The following TRIM35 variants were observed in gnomAD, a reference collection of about 807,000 sequenced individuals.
TRIM35 encodes tripartite motif containing 35.
Under a neutral mutation model 49.1 loss-of-function variants are expected in TRIM35, and 37 were observed. The ratio of observed to expected loss-of-function variants is 0.75; its 90% CI spans 0.58 to 0.99. TRIM35 has a LOEUF of 0.99. Among genes scored for constraint, TRIM35 ranks in the 50% least tolerant of loss-of-function variants. The pLI is 0.00. For synonymous variants in TRIM35, 302 were observed against 289.3 expected, an observed-to-expected ratio of 1.04 and a Z score of -0.45; for missense variants, 648 against 702.7, an observed-to-expected ratio of 0.92 and a Z score of 0.88.
In TRIM35 at chr8:27,294,179, G is replaced by C; in HGVS notation, c.663C>G (p.Asp221Glu). The change falls in exon 3 of 6, where the codon GAC (aspartate) becomes GAG (glutamate). Residue 221 changes from aspartate to glutamate, a missense_variant. Asp to Glu is a conservative substitution (Grantham distance 45). Transcript: ENST00000305364. ...CCTCTGTGAGCTGCTTCATCTTCTCGTCGGCCAGAAGTTGCTTCTGCCTTG... is the reference window on the plus strand; with the variant it reads ...CCTCTGTGAGCTGCTTCATCTTCTCCTCGGCCAGAAGTTGCTTCTGCCTTG... ...EETRQKQLLA[D>E]EKMKQLTEET... The C allele has an allele frequency of 1.2e-6, 2 of 1,614,156 alleles. No homozygotes were observed. Among genetic ancestry groups the C allele is most frequent in the South Asian group, 2.2e-5 (2 of 91,082 alleles).
In TRIM35 at chr8:27,287,651, G is replaced by A. The variant is rs770357144; in HGVS notation, c.1381C>T (p.Arg461Cys). 7 of 1,609,848 alleles carry A rather than the reference G, an allele frequency of 4.3e-6. No individual in the cohort carries two copies. Among genetic ancestry groups the A allele is most frequent in the Admixed American group, 1.7e-5 (1 of 59,446 alleles). Reference sequence around the variant, plus strand: ...GCACCCCCCAGGTAGAAGTAGGGGCGAACCTCCCCAAAGCGGGCGTGGAAG... The same window carrying A: ...GCACCCCCCAGGTAGAAGTAGGGGCAAACCTCCCCAAAGCGGGCGTGGAAG... ...YTFHARFGEV[R>C]PYFYLGGARG... Residue 461 changes from arginine to cysteine, a missense_variant, in exon 6 of 6, where the codon CGC (arginine) becomes TGC (cysteine). Transcript: ENST00000305364. The surrounding 1 kb of genome is among the most constrained non-coding windows in gnomAD (Gnocchi z 6.0).
At chr8:27,302,474 A>C (rs896811818) in intron 1 of TRIM35, among the ~76,000 whole-genome samples, 14 of 152,132 alleles carry the variant, frequency 9.2e-5, no homozygotes, top group African/African-American at 2.9e-4. Flanking sequence ...TAGTAGCACA[A>C]TCATAGCTCA....
At position 27,287,737 on chromosome 8, in the gene TRIM35, A is replaced by C; in HGVS notation, c.1295T>G (p.Leu432Arg). Residue 432 changes from leucine (L) to arginine (R), a missense_variant, in exon 6 of 6, where the codon CTG becomes CGG. Physicochemically the swap from Leu to Arg is moderately radical, Grantham distance 102 (BLOSUM62 -2). Coordinates refer to ENST00000305364, the MANE Select transcript of TRIM35 (RefSeq NM_171982.5). The surrounding 1 kb of genome is among the most constrained non-coding windows in gnomAD (Gnocchi z 6.0). ...AGACAGCTCGCCCTCCTCACACTCC[A>C]GCTCCACACGCAGGCGGCGTGGGAT... Reference protein sequence around the residue: ...LAIPRRLRVELECEEGELSFY... With the variant: ...LAIPRRLRVERECEEGELSFY... 2.5e-6 allele frequency: 4 copies of C among 1,610,528 alleles called. No homozygotes were observed. The highest frequency in any genetic ancestry group is 3.4e-6 in the Non-Finnish European group (4 of 1,178,752).
chr8:27,295,339 A>G (rs1802543586), intron 2 of TRIM35, among the ~76,000 whole-genome samples: 1 of 152,208 alleles, frequency 6.6e-6, no homozygotes, highest in Non-Finnish European at 1.5e-5. Context: ...ATACAATTCC[A>G]TGACAACTGT....
intron 1 of TRIM35, among the ~76,000 whole-genome samples, chr8:27,301,436 A>G (rs1251850749): frequency 6.6e-6 from 1 of 152,212 alleles, no homozygotes; most frequent in African/African-American, 2.4e-5. Flanking sequence ...TTGTTTTCCA[A>G]AGCAGTGGTA....
chr8:27,310,314 C>G (rs1047443988), intron 1 of TRIM35, among the ~76,000 whole-genome samples: 8 of 152,212 alleles, frequency 5.3e-5, no homozygotes, highest in Non-Finnish European at 1.0e-4. Context: ...AGACCTCTCA[C>G]TCAGATAATA....
At chr8:27,300,507 G>C (rs1045176204) in intron 1 of TRIM35, among the ~76,000 whole-genome samples, 2 of 151,978 alleles carry the variant, frequency 1.3e-5, no homozygotes, top group African/African-American at 4.8e-5. Context: ...CTGACCCAAA[G>C]AAACTCAAAG....
intron 3 of TRIM35, among the ~76,000 whole-genome samples, chr8:27,290,752 T>C (rs980802378): frequency 7.2e-5 from 11 of 152,112 alleles, no homozygotes; most frequent in Non-Finnish European, 1.0e-4. Context: ...TTGCAGAAAC[T>C]AAAAAACTGA....
In TRIM35 at chr8:27,286,322, C is replaced by T. The variant is rs1257859955; in HGVS notation, c.*1228G>A. On this transcript the variant is annotated 3_prime_UTR_variant, in exon 6 of 6. Coordinates refer to ENST00000305364, the MANE Select transcript of TRIM35 (RefSeq NM_171982.5). ...GCAAGCATGACCAGGCTGAAGTCAG[C>T]AGAGACAAGAGGGCAGCGAGGCCCA... The T allele has an allele frequency of 5.2e-6, 2 of 383,584 alleles. No individual in the cohort carries two copies. The highest frequency in any genetic ancestry group is 4.2e-5 in the African/African-American group (2 of 47,710). The allele number at this position is 383,584 out of a possible 1,614,324, so 23.8% of individuals were successfully genotyped here. A position where few individuals can be genotyped will look rare whatever the true frequency, so the allele number is the denominator to read the frequency against.
intron 5 of TRIM35, among the ~76,000 whole-genome samples, chr8:27,288,586 G>C (rs1004294634): frequency 6.6e-6 from 1 of 152,100 alleles, no homozygotes; most frequent in African/African-American, 2.4e-5. Flanking sequence ...TTTCAGAGGG[G>C]GCCTGGTCCT....
At position 27,311,213 on chromosome 8, in the gene TRIM35, G is replaced by T. The variant is rs772787780; in HGVS notation, c.23C>A (p.Ser8Tyr). 26 of 1,571,066 alleles carry T rather than the reference G, an allele frequency of 1.7e-5. No homozygotes were observed. The highest frequency in any genetic ancestry group is 7.1e-5 in the Admixed American group (4 of 56,148). Residue 8 changes from serine to tyrosine, a missense_variant, in exon 1 of 6, where the codon TCC (serine) becomes TAC (tyrosine). Ser to Tyr is a moderately radical substitution (Grantham distance 144). Coordinates refer to ENST00000305364, the MANE Select transcript of TRIM35 (RefSeq NM_171982.5). The part of the protein sequence containing the change: MERSPDV[S>Y]PGPSRSFKEE... ...CTTGAAGGAGCGGGAAGGCCCGGGG[G>T]ACACGTCGGGACTCCGCTCCATGGC...
In TRIM35 at chr8:27,311,158, G is replaced by A. The variant is rs1295445545; in HGVS notation, c.78C>T (p.Asp26=). 2 of 1,607,338 alleles carry A rather than the reference G, an allele frequency of 1.2e-6. No homozygotes were observed. The highest frequency in any genetic ancestry group is 8.5e-7 in the Non-Finnish European group (1 of 1,178,008). Residue 26 remains aspartate (D), a synonymous_variant, in exon 1 of 6, where the codon GAC becomes GAT. Transcript: ENST00000305364. ...KEELLCAVCY[D]PFRDAVTLRC... Reference sequence around the variant, plus strand: ...GCAGAGTGACTGCGTCGCGGAAGGGGTCGTAGCAGACGGCGCAGAGCAACT... The same window carrying A: ...GCAGAGTGACTGCGTCGCGGAAGGGATCGTAGCAGACGGCGCAGAGCAACT...
intron 1 of TRIM35, among the ~76,000 whole-genome samples, chr8:27,303,266 C>T (rs931057234): frequency 2.0e-5 from 3 of 152,160 alleles, no homozygotes; most frequent in East Asian, 3.8e-4. Flanking sequence ...CACATAATTA[C>T]CGATATGTTT....
intron 1 of TRIM35, among the ~76,000 whole-genome samples, chr8:27,303,347 T>C (rs563998449): frequency 1.2e-4 from 18 of 152,336 alleles, no homozygotes; most frequent in African/African-American, 3.8e-4. Context: ...CTTCCTTTCC[T>C]TTTTTAAAAT....
chr8:27,308,470 G>A (rs937645445), intron 1 of TRIM35, among the ~76,000 whole-genome samples: 4 of 152,030 alleles, frequency 2.6e-5, no homozygotes, highest in Non-Finnish European at 4.4e-5. Flanking sequence ...AGCACAAAAC[G>A]GAAAACCCCC....
At chr8:27,301,664 T>C (rs1031902259) in intron 1 of TRIM35, among the ~76,000 whole-genome samples, 2 of 152,246 alleles carry the variant, frequency 1.3e-5, no homozygotes, top group Non-Finnish European at 2.9e-5. Flanking sequence ...TCTTTCTTAA[T>C]TGAAATATGG....
chr8:27,302,917 A>G (rs1236805660), intron 1 of TRIM35, among the ~76,000 whole-genome samples: 1 of 152,190 alleles, frequency 6.6e-6, no homozygotes, highest in Non-Finnish European at 1.5e-5. Flanking sequence ...TACATCTTTT[A>G]TTTATAATTA....
chr8:27,310,872 A>T lies in TRIM35; in HGVS notation c.364T>A (p.Ser122Thr), dbSNP rs746256855. The change falls in exon 1 of 6, where the codon TCC (serine) becomes ACC (threonine). Residue 122 changes from serine (S) to threonine (T), a missense_variant. Ser to Thr is a moderately conservative substitution (Grantham distance 58). Coordinates refer to ENST00000305364, the MANE Select transcript of TRIM35 (RefSeq NM_171982.5). ...CLEDKELLCC[S>T]CQADPRHQGH... The stretch of plus-strand genomic sequence containing the variant: ...TGGTGTCGGGGGTCGGCCTGGCAGG[A>T]GCAGCACAGCAGCTCCTTGTCCTCG... The T allele has an allele frequency of 6.2e-7, 1 of 1,612,582 alleles. No individual in the cohort carries two copies. Among genetic ancestry groups the T allele is most frequent in the South Asian group, 1.1e-5 (1 of 91,024 alleles).
intron 4 of TRIM35, among the ~76,000 whole-genome samples, chr8:27,289,544 C>T (rs1316374286): frequency 1.3e-5 from 2 of 152,348 alleles, no homozygotes; most frequent in East Asian, 3.9e-4. Context: ...TCCAACATGG[C>T]TGCCATCCTT....
Sources: gnomAD v4.1 joint callset for allele counts (sites outside exome capture counted in the v4.1 genomes callset) on GRCh38, gnomAD v4.1.1 for gene constraint, Gnocchi (gnomAD v3.1) non-coding constraint, MANE v1.5 for transcripts, NCBI Gene and HGNC (gene_info 2026-07-23, HGNC 2026-07-21) for gene names.